CNTNAP2: variants seen among roughly 807,000 people sequenced by gnomAD.
CNTNAP2 encodes contactin associated protein 2.
A neutral mutation model predicts 155.2 loss-of-function variants in CNTNAP2; 98 were observed. The observed-to-expected ratio is 0.63, with a 90% CI of 0.54 to 0.75. The LOEUF (loss-of-function observed/expected upper bound fraction) is 0.75. Among genes scored for constraint, CNTNAP2 ranks in the 30% least tolerant of loss-of-function variants. CNTNAP2 has a pLI of 0.00. For missense variants in CNTNAP2, 1,727 were observed against 1,688.1 expected, an observed-to-expected ratio of 1.02 and a Z score of -0.40; for synonymous variants, 651 against 631.2, an observed-to-expected ratio of 1.03 and a Z score of -0.47.
In CNTNAP2 at chr7:147,539,533, A is replaced by G. The variant is rs114928449; in HGVS notation, c.1778-22605A>G. On this transcript the variant is annotated intron_variant, in intron 11 of 23. Coordinates refer to ENST00000361727, the MANE Select transcript of CNTNAP2 (RefSeq NM_014141.6). Reference sequence around the variant, plus strand: ...GATAGTCTGAGAATATTACTGGACTACTAAACAAATTGAGATTCTTGAAAG... The same window carrying G: ...GATAGTCTGAGAATATTACTGGACTGCTAAACAAATTGAGATTCTTGAAAG... Among the ~76,000 whole-genome samples, 1,244 of 152,284 alleles carry G rather than the reference A, an allele frequency of 8.2e-3. 12 individuals are homozygous for G. The highest frequency in any genetic ancestry group is 0.029 in the African/African-American group (1,203 of 41,552).
chr7:147,304,896 G>A (rs192842299), intron 9 of CNTNAP2, among the ~76,000 whole-genome samples: 26 of 152,256 alleles, frequency 1.7e-4, no homozygotes, highest in Middle Eastern at 3.4e-3. Flanking sequence ...CAGATTCCAC[G>A]TCTGCTGAGG....
At chr7:147,261,665 G>T (rs964204294) in intron 8 of CNTNAP2, among the ~76,000 whole-genome samples, 1 of 151,968 alleles carries the variant, frequency 6.6e-6, no homozygotes, top group Non-Finnish European at 1.5e-5. Context: ...GCGTTGTCAG[G>T]TTACTTTCAC....
intron 15 of CNTNAP2, among the ~76,000 whole-genome samples, chr7:147,981,565 C>T (rs906120935): frequency 1.3e-5 from 2 of 152,154 alleles, no homozygotes; most frequent in African/African-American, 2.4e-5. Context: ...AATTAGGCCC[C>T]AGTTCCATCC....
chr7:146,593,371 G>A (rs578145059), intron 1 of CNTNAP2, among the ~76,000 whole-genome samples: 1 of 152,114 alleles, frequency 6.6e-6, no homozygotes, highest in African/African-American at 2.4e-5. Context: ...CTCCCACTAA[G>A]GGGATGGAGA....
intron 3 of CNTNAP2, among the ~76,000 whole-genome samples, chr7:146,903,476 T>C (rs1413829174): frequency 6.6e-6 from 1 of 152,158 alleles, no homozygotes; most frequent in Non-Finnish European, 1.5e-5. Context: ...TAAAACAAAA[T>C]GAAACTAAAA....
At chr7:146,844,462 G>C (rs969566448) in intron 3 of CNTNAP2, among the ~76,000 whole-genome samples, 2 of 152,038 alleles carry the variant, frequency 1.3e-5, no homozygotes, top group Non-Finnish European at 2.9e-5. Flanking sequence ...ACTCTAATTT[G>C]CATGATTATC....
chr7:148,029,630 A>G (rs1350314223), intron 15 of CNTNAP2, among the ~76,000 whole-genome samples: 1 of 152,222 alleles, frequency 6.6e-6, no homozygotes, highest in Non-Finnish European at 1.5e-5. Context: ...TTCCATAAAT[A>G]TCAGCATAGC....
rs35387068 is a variant in CNTNAP2, at chr7:146,842,994, C to CTTTTTTTTTTTT, written c.402+3108_402+3119dup. 1.5e-4 allele frequency among the ~76,000 whole-genome samples: 2 copies of CTTTTTTTTTTTT among 13,636 alleles called. 1 individual carries two copies. Among genetic ancestry groups the CTTTTTTTTTTTT allele is most frequent in the East Asian group, 7.6e-3 (2 of 264 alleles). The allele number at this position is 13,636 out of a possible 152,430, so 8.9% of individuals were successfully genotyped here. ...GCCACCACGCCCGGCCTGTCCCACA[C>CTTTTTTTTTTTT]TTTTTTTTTTTTTTTTTTTTTTTTT... On this transcript the variant is annotated intron_variant, in intron 3 of 23. Transcript: ENST00000361727.
Position 148,415,837 on chromosome 7 carries a change from A to AACAAAATAATACAAAAAATGCTTT in CNTNAP2, c.*222_*245dup. ...AGCTGAGTTTTCCCTTCTGTATCAA[A>AACAAAATAATACAAAAAATGCTTT]ACAAAATAATACAAAAAATGCTTTT... On this transcript the variant is annotated 3_prime_UTR_variant, in exon 24 of 24. Transcript: ENST00000361727. 1 of 604,834 alleles carries AACAAAATAATACAAAAAATGCTTT rather than the reference A, an allele frequency of 1.7e-6. No individual in the cohort carries two copies. Among genetic ancestry groups the AACAAAATAATACAAAAAATGCTTT allele is most frequent in the South Asian group, 2.1e-5 (1 of 46,810 alleles). 37.5% of individuals were successfully genotyped at this position (604,834 alleles called of 1,614,324 possible). A position where few individuals can be genotyped will look rare whatever the true frequency, so the allele number is the denominator to read the frequency against.
intron 11 of CNTNAP2, among the ~76,000 whole-genome samples, chr7:147,554,590 T>C (rs1223555716): frequency 6.6e-6 from 1 of 152,112 alleles, no homozygotes; most frequent in East Asian, 1.9e-4. Context: ...TGAAACTTTG[T>C]CTTTTTTAAA....
At chr7:148,193,530 G>T (rs1184736134) in intron 18 of CNTNAP2, among the ~76,000 whole-genome samples, 1 of 152,012 alleles carries the variant, frequency 6.6e-6, no homozygotes, top group African/African-American at 2.4e-5. Context: ...AGTGTGCCTG[G>T]GGCCCATGAA....
At chr7:146,335,226 G>A (rs6953850) in intron 1 of CNTNAP2, among the ~76,000 whole-genome samples, 19,091 of 152,130 alleles carry the variant, frequency 0.13, 3,615 homozygotes, top group African/African-American at 0.41. Context: ...AAAATATACT[G>A]TGGTCAACAT....
intron 12 of CNTNAP2, among the ~76,000 whole-genome samples, chr7:147,571,301 G>A (rs1800286374): frequency 8.3e-6 from 1 of 120,364 alleles, no homozygotes; most frequent in Non-Finnish European, 1.6e-5. Flanking sequence ...CCCCAGAAGT[G>A]TGATGTTCCC....
chr7:148,216,474 C>T (rs1222686244), intron 18 of CNTNAP2, among the ~76,000 whole-genome samples: 4 of 150,786 alleles, frequency 2.7e-5, no homozygotes, highest in Admixed American at 6.8e-5. Context: ...TCTCTAAGGA[C>T]GTAGGGCTTA....
At chr7:147,225,071 G>A (rs750232574) in intron 8 of CNTNAP2, among the ~76,000 whole-genome samples, 4 of 152,142 alleles carry the variant, frequency 2.6e-5, no homozygotes, top group Non-Finnish European at 4.4e-5. Context: ...ATTACTTGCA[G>A]TTAAGTAAAA....
At chr7:147,952,283 A>C in intron 14 of CNTNAP2, among the ~76,000 whole-genome samples, 1 of 70,136 alleles carries the variant, frequency 1.4e-5, no homozygotes, top group African/African-American at 4.1e-5. Flanking sequence ...TCTCTACTAA[A>C]AATACAAAAT....
chr7:146,653,125 G>A (rs935360325), intron 1 of CNTNAP2, among the ~76,000 whole-genome samples: 9 of 152,074 alleles, frequency 5.9e-5, no homozygotes, highest in South Asian at 2.1e-4. Flanking sequence ...GCCAGCTCAC[G>A]TTCTTTTCTT....
At chr7:146,977,893 A>G (rs144516844) in intron 3 of CNTNAP2, among the ~76,000 whole-genome samples, 52 of 152,296 alleles carry the variant, frequency 3.4e-4, no homozygotes, top group African/African-American at 1.1e-3. Context: ...AAACTCCACT[A>G]TAATATTTGT....
At chr7:147,776,238 T>C (rs1797583817) in intron 13 of CNTNAP2, among the ~76,000 whole-genome samples, 1 of 149,808 alleles carries the variant, frequency 6.7e-6, no homozygotes. Flanking sequence ...TTATAACGAA[T>C]ATGTTACAAG....
Sources: gnomAD v4.1 joint callset for allele counts (sites outside exome capture counted in the v4.1 genomes callset) on GRCh38, gnomAD v4.1.1 for gene constraint, MANE v1.5 for transcripts, NCBI Gene and HGNC (gene_info 2026-07-23, HGNC 2026-07-21) for gene names.